The following APP variants were observed in gnomAD, a reference collection of about 807,000 sequenced individuals.
APP encodes the protein amyloid beta precursor protein.
APP carries 31 observed loss-of-function variants against 101.4 expected under a neutral mutation model. The observed-to-expected ratio is 0.31, with a 90% CI of 0.23 to 0.41. APP has a LOEUF of 0.41. Among genes scored for constraint, APP ranks in the 10% least tolerant of loss-of-function variants. The probability of loss-of-function intolerance (pLI) is 1.00; values close to 1 mark genes in which losing one functional copy is unlikely to be tolerated. For missense variants in APP, 839 were observed against 1,003.7 expected (o/e 0.84, Z 2.22); for synonymous variants, 366 against 364.4 (o/e 1.00, Z -0.05).
chr21:26,110,215 T>C (rs544709760), intron 2 of APP, among the ~76,000 whole-genome samples: 1 of 152,260 alleles, frequency 6.6e-6, no homozygotes, highest in South Asian at 2.1e-4. Context: ...GAGGCTGACA[T>C]GGGTGGATCA....
rs532203430 is a variant in APP, at chr21:25,966,226, T to C, written c.1458+8844A>G. 2.0e-5 allele frequency among the ~76,000 whole-genome samples: 3 copies of C among 152,348 alleles called. No homozygotes were observed. In the East Asian group the frequency reaches 5.8e-4, roughly 29 times the overall value. On this transcript the variant is annotated intron_variant, in intron 11 of 17. Coordinates refer to ENST00000346798, the MANE Select transcript of APP (RefSeq NM_000484.4). ...AGTGGCTTTACTGAAAGAGCATGTA[T>C]ACCATTCAGCATAGTTTATAAGATT... is the stretch of plus-strand genomic sequence containing the variant.
chr21:25,984,501 G>C (rs1483623266), intron 8 of APP, among the ~76,000 whole-genome samples: 2 of 151,864 alleles, frequency 1.3e-5, no homozygotes, highest in South Asian at 4.2e-4. Flanking sequence ...AGACCTTTTT[G>C]GAAAAAAGGT....
chr21:26,118,645 T>C (rs572886269), intron 1 of APP, among the ~76,000 whole-genome samples: 2 of 152,154 alleles, frequency 1.3e-5, no homozygotes, highest in Non-Finnish European at 1.5e-5. Context: ...CTCTGCCTCC[T>C]GGGTTCAAGC....
At chr21:26,109,728 T>A (rs1019867439) in intron 2 of APP, among the ~76,000 whole-genome samples, 1 of 182 alleles carries the variant, frequency 5.5e-3, no homozygotes, top group South Asian at 0.25. Context: ...AGAGTAATTT[T>A]TGGTATGGCC....
intron 13 of APP, among the ~76,000 whole-genome samples, chr21:25,912,724 G>A (rs1187601702): frequency 6.7e-6 from 1 of 148,898 alleles, no homozygotes; most frequent in Non-Finnish European, 1.5e-5. Flanking sequence ...TGCTGTCAGT[G>A]CCGCCTACCC....
intron 6 of APP, among the ~76,000 whole-genome samples, chr21:26,012,276 G>A (rs555588704): frequency 1.3e-5 from 2 of 152,160 alleles, no homozygotes; most frequent in East Asian, 3.9e-4. Flanking sequence ...TGGGATAACA[G>A]GTGTGAGATA....
chr21:25,895,234 C>T (rs9976425), intron 16 of APP, among the ~76,000 whole-genome samples: 57,381 of 150,438 alleles, frequency 0.38, 11,146 homozygotes, highest in Non-Finnish European at 0.42. Context: ...AGTGCGATCT[C>T]GGCTCACTGC....
At chr21:25,917,316 AAC>A (rs2039402624) in intron 13 of APP, among the ~76,000 whole-genome samples, 1 of 152,138 alleles carries the variant, frequency 6.6e-6, no homozygotes, top group Non-Finnish European at 1.5e-5. Flanking sequence ...TACTTAGAGT[AAC>A]AGAGGGAAGA....
At chr21:25,984,131 T>A (rs2042548922) in intron 8 of APP, among the ~76,000 whole-genome samples, 1 of 152,172 alleles carries the variant, frequency 6.6e-6, no homozygotes, top group Non-Finnish European at 1.5e-5. Context: ...CTCTGCTTAA[T>A]ACATCCTGTT....
intron 11 of APP, among the ~76,000 whole-genome samples, chr21:25,973,670 T>C (rs2042116996): frequency 1.3e-5 from 2 of 152,022 alleles, no homozygotes; most frequent in African/African-American, 2.4e-5. Flanking sequence ...TGGCTGGGCA[T>C]GGTGGTTCAC....
intron 13 of APP, among the ~76,000 whole-genome samples, chr21:25,950,016 T>C (rs2040993902): frequency 6.6e-6 from 1 of 152,224 alleles, no homozygotes; most frequent in South Asian, 2.1e-4. Context: ...GCTGCCTTTG[T>C]GTGAAATGCA....
At chr21:25,918,051 C>T (rs922744680) in intron 13 of APP, among the ~76,000 whole-genome samples, 20 of 152,094 alleles carry the variant, frequency 1.3e-4, no homozygotes, top group African/African-American at 4.3e-4. Context: ...GGCGAGGATG[C>T]GGAGAAATAG....
chr21:26,066,919 G>C (rs369082202), intron 3 of APP, among the ~76,000 whole-genome samples: 3 of 152,292 alleles, frequency 2.0e-5, no homozygotes, highest in African/African-American at 7.2e-5. Context: ...GGTGCACATA[G>C]GGTGAGAGAC....
chr21:26,051,084 C>T lies in APP; in HGVS notation c.578G>A (p.Ser193Asn), dbSNP rs1452933701. The T allele has an allele frequency of 1.2e-6, 2 of 1,614,194 alleles. No homozygotes were observed. The highest frequency in any genetic ancestry group is 2.7e-5 in the African/African-American group (2 of 75,054). Residue 193 changes from serine (S) to asparagine (N), a missense_variant, in exon 5 of 18, where the codon AGT becomes AAT. Coordinates refer to ENST00000346798, the MANE Select transcript of APP (RefSeq NM_000484.4). ...EFVCCPLAEE[S>N]DNVDSADAEE... ...CGCATCAGCAGAATCCACATTGTCACTTTCTTCAGCCAGTGGGCAACACAC... is the reference window on the plus strand; with the variant it reads ...CGCATCAGCAGAATCCACATTGTCATTTTCTTCAGCCAGTGGGCAACACAC...
intron 16 of APP, among the ~76,000 whole-genome samples, chr21:25,896,220 G>A (rs976189733): frequency 6.6e-6 from 1 of 151,904 alleles, no homozygotes; most frequent in South Asian, 2.1e-4. Context: ...AAAGCTAAAT[G>A]TCTTTCTACA....
At chr21:25,982,503 T>C in intron 8 of APP, 26 bp from the exon 9 acceptor site, 1 of 1,609,658 alleles carries the variant, frequency 6.2e-7, no homozygotes, top group Non-Finnish European at 8.5e-7. Flanking sequence ...GAAGGAGGTT[T>C]GAGAAAAAAA....
At chr21:25,921,377 T>G (rs1362143152) in intron 13 of APP, among the ~76,000 whole-genome samples, 3 of 128,096 alleles carry the variant, frequency 2.3e-5, no homozygotes, top group African/African-American at 9.1e-5. Flanking sequence ...ATAACTAAAA[T>G]CAGAGCAGAA....
intron 15 of APP, among the ~76,000 whole-genome samples, chr21:25,900,987 C>CAAAAAAAAAAAAAAAAAAAAAAAAAAAA (rs71183520): frequency 4.2e-5 from 5 of 118,576 alleles, no homozygotes; most frequent in East Asian, 6.4e-4. Context: ...GACTCCATCT[C>CAAAAAAAAAAAAAAAAAAAAAAAAAAAA]AAAAAAAAAA....
intron 2 of APP, among the ~76,000 whole-genome samples, chr21:26,096,914 G>A (rs2146140580): frequency 6.6e-6 from 1 of 152,374 alleles, no homozygotes; most frequent in South Asian, 2.1e-4. Flanking sequence ...AGAGAGACAA[G>A]GGAAGATGAG....
Sources: gnomAD v4.1 joint callset for allele counts (sites outside exome capture counted in the v4.1 genomes callset) on GRCh38, gnomAD v4.1.1 for gene constraint, MANE v1.5 for transcripts, NCBI Gene and HGNC (gene_info 2026-07-23, HGNC 2026-07-21) for gene names.